The following PRR5 variants were observed in gnomAD, a reference collection of about 807,000 sequenced individuals.
PRR5 encodes proline-rich protein 5.
PRR5 carries 25 observed loss-of-function variants against 30.6 expected under a neutral mutation model. That is an observed-to-expected ratio of 0.82 (90% CI 0.60 to 1.14). The LOEUF is 1.14. PRR5 is among the 50% of genes most tolerant of loss of function. PRR5 has a pLI of 0.00. For synonymous variants in PRR5, 286 were observed against 247.1 expected (o/e 1.16, Z -1.48); for missense variants, 600 against 547.1 (o/e 1.10, Z -0.96).
chr22:44,682,838 A>G (rs560762951), intron 1 of PRR5, among the ~76,000 whole-genome samples: 131 of 152,308 alleles, frequency 8.6e-4, no homozygotes, highest in African/African-American at 3.0e-3. Context: ...CTCTGAGCCC[A>G]CTAGGGAATG....
chr22:44,725,659 T>TTTG (rs3053190), intron 3 of PRR5, among the ~76,000 whole-genome samples: 14,367 of 151,316 alleles, frequency 0.095, 893 homozygotes, highest in East Asian at 0.27. Context: ...TGTCTTTTGT[T>TTTG]TTGTTGTTGT....
chr22:44,692,850 G>A (rs1022409529), intron 1 of PRR5, among the ~76,000 whole-genome samples: 6 of 152,180 alleles, frequency 3.9e-5, no homozygotes, highest in Non-Finnish European at 7.4e-5. Context: ...ACGAAGGTTC[G>A]GAAGTGCACG....
At chr22:44,693,871 C>T (rs1925516083) in intron 1 of PRR5, among the ~76,000 whole-genome samples, 1 of 143,266 alleles carries the variant, frequency 7.0e-6, no homozygotes, top group Non-Finnish European at 1.5e-5. Context: ...CTCGATGATA[C>T]GCCCACCTCA....
upstream of PRR5, among the ~76,000 whole-genome samples, chr22:44,700,949 C>T (rs1054562223): frequency 3.9e-5 from 6 of 152,174 alleles, no homozygotes; most frequent in African/African-American, 1.4e-4. Flanking sequence ...GTGGCGAGAT[C>T]TCAGCTCTCT....
At chr22:44,736,650 C>G (rs1450300930) in intron 7 of PRR5, 122 bp from the exon 8 acceptor site, 4 of 1,448,566 alleles carry the variant, frequency 2.8e-6, no homozygotes, top group Non-Finnish European at 3.6e-6. Context: ...AGCCGGGCCC[C>G]GGGTCGGGCC....
chr22:44,732,278 G>A lies in PRR5; in HGVS notation c.442G>A (p.Ala148Thr), dbSNP rs142457314. ...QGKEPSVRQL[A>T]LLHFRNAITL... ...CAAGGAGCCATCGGTGCGCCAGCTGGCCCTGCTGCACTTCCGGAATGCCAT... is the reference window on the plus strand; with the variant it reads ...CAAGGAGCCATCGGTGCGCCAGCTGACCCTGCTGCACTTCCGGAATGCCAT... The change falls in exon 6 of 8, where the codon GCC (alanine) becomes ACC (threonine). Residue 148 changes from alanine (A) to threonine (T), a missense_variant. By Grantham distance (58) the Ala-to-Thr change is moderately conservative. Transcript: ENST00000336985. The A allele has an allele frequency of 2.2e-5, 35 of 1,612,028 alleles. No individual in the cohort carries two copies. The African/African-American group carries it at 4.4e-4, about 20-fold the overall frequency.
At chr22:44,699,779 T>C (rs1245724188), upstream of PRR5, among the ~76,000 whole-genome samples, 2 of 152,318 alleles carry the variant, frequency 1.3e-5, no homozygotes, top group South Asian at 2.1e-4. Context: ...AAAGACGTTC[T>C]AGGGCAGGGG....
intron 6 of PRR5, among the ~76,000 whole-genome samples, chr22:44,733,385 G>A (rs1436799507): frequency 1.3e-5 from 2 of 152,214 alleles, no homozygotes; most frequent in Non-Finnish European, 2.9e-5. Flanking sequence ...GCTTCACCCC[G>A]GCTCTCGCAG....
Position 44,718,346 on chromosome 22 carries a change from G to A in PRR5, c.215+3675G>A, listed in dbSNP as rs971783641. ...AGTAGCTGGGATTACAGGTGTGCAT[G>A]ACCACGCCTGGCTAATTTTTATATT... On this transcript the variant is annotated intron_variant, in intron 2 of 7. Coordinates refer to ENST00000336985, the MANE Select transcript of PRR5 (RefSeq NM_181333.4). 4.0e-5 allele frequency among the ~76,000 whole-genome samples: 6 copies of A among 151,546 alleles called. No homozygotes were observed. The South Asian group carries it at 1.3e-3, about 32-fold the overall frequency.
chr22:44,694,477 T>G (rs1925569951), intron 1 of PRR5, among the ~76,000 whole-genome samples: 1 of 152,076 alleles, frequency 6.6e-6, no homozygotes, highest in Admixed American at 6.6e-5. Context: ...AGGTTGTAGT[T>G]AGCCGAGATC....
At chr22:44,714,093 G>A (rs1419544269) in intron 1 of PRR5, among the ~76,000 whole-genome samples, 2 of 150,950 alleles carry the variant, frequency 1.3e-5, no homozygotes, top group African/African-American at 2.4e-5. Context: ...GTGAGCCACC[G>A]CGCCCGGCAG....
chr22:44,715,762 C>T (rs1928959917), intron 2 of PRR5, among the ~76,000 whole-genome samples: 1 of 152,122 alleles, frequency 6.6e-6, no homozygotes, highest in Non-Finnish European at 1.5e-5. Flanking sequence ...AAGCAACCCT[C>T]CCACCTCAGC....
chr22:44,713,814 G>T (rs1602031601), intron 1 of PRR5, among the ~76,000 whole-genome samples: 1 of 152,114 alleles, frequency 6.6e-6, no homozygotes, highest in African/African-American at 2.4e-5. Context: ...GTTTTCTTTT[G>T]TTTTTTTGAG....
intron 4 of PRR5, among the ~76,000 whole-genome samples, chr22:44,729,105 C>T (rs772782889): frequency 2.0e-5 from 3 of 152,296 alleles, no homozygotes; most frequent in South Asian, 2.1e-4. Flanking sequence ...GATCTGCCGT[C>T]GCTCATCCAC....
intron 1 of PRR5, among the ~76,000 whole-genome samples, chr22:44,705,760 G>A (rs1369103698): frequency 6.6e-6 from 1 of 152,104 alleles, no homozygotes; most frequent in East Asian, 1.9e-4. Flanking sequence ...TAATAGCTGG[G>A]ATTACAGGCG....
In PRR5 at chr22:44,732,384, T is replaced by C. The variant is rs774339869; in HGVS notation, c.548T>C (p.Val183Ala). 25 of 1,608,476 alleles carry C rather than the reference T, an allele frequency of 1.6e-5. No homozygotes were observed. The highest frequency in any genetic ancestry group is 2.1e-5 in the Non-Finnish European group (25 of 1,178,660). The change falls in exon 6 of 8, where the codon GTG becomes GCG. Residue 183 changes from valine (V) to alanine (A), a missense_variant. Coordinates refer to ENST00000336985, the MANE Select transcript of PRR5 (RefSeq NM_181333.4). ...VPPAIVQMLL[V>A]LQGVHESRGV... ...CCTGCCATCGTGCAGATGCTGCTGG[T>C]GCTGCAGGTGGGCACAGTGGGCAGA...
chr22:44,735,975 A>G (rs765004632), intron 7 of PRR5, among the ~76,000 whole-genome samples: 1 of 152,158 alleles, frequency 6.6e-6, no homozygotes, highest in Non-Finnish European at 1.5e-5. Flanking sequence ...TGGGACCCGC[A>G]TCCTCTGGTC....
At chr22:44,713,127 G>A (rs1268633456) in intron 1 of PRR5, among the ~76,000 whole-genome samples, 2 of 152,198 alleles carry the variant, frequency 1.3e-5, no homozygotes, top group East Asian at 1.9e-4. Context: ...GGGCCATGTC[G>A]GGAGGAGCCT....
At chr22:44,680,581 T>G (rs921484842) in intron 1 of PRR5, among the ~76,000 whole-genome samples, 1 of 152,168 alleles carries the variant, frequency 6.6e-6, no homozygotes, top group African/African-American at 2.4e-5. Context: ...CGCCAGCCTT[T>G]GTCCTCCCCA....
Sources: allele counts gnomAD v4.1 joint callset (sites outside exome capture counted in the v4.1 genomes callset), GRCh38; gene constraint gnomAD v4.1.1; transcripts MANE v1.5; gene names NCBI Gene and HGNC (gene_info 2026-07-23, HGNC 2026-07-21).